SORD: variants seen among roughly 807,000 people sequenced by gnomAD.
SORD encodes sorbitol dehydrogenase, also known as (R,R)-butanediol dehydrogenase.
Under a neutral mutation model 35.6 loss-of-function variants are expected in SORD, and 18 were observed. That is an observed-to-expected ratio of 0.51 (90% CI 0.35 to 0.75). SORD has a LOEUF of 0.75. Among genes scored for constraint, SORD ranks in the 30% least tolerant of loss-of-function variants. The pLI is 0.01. For missense variants in SORD, 250 were observed against 390.2 expected, an observed-to-expected ratio of 0.64 and a Z score of 3.03; for synonymous variants, 106 against 152.9, an observed-to-expected ratio of 0.69 and a Z score of 2.26.
chr15:45,068,138 G>A (rs1893436851), intron 5 of SORD, 43 bp from the exon 6 acceptor site: 2 of 1,491,496 alleles, frequency 1.3e-6, no homozygotes, highest in East Asian at 2.3e-5. Context: ...GAGAGCAGAT[G>A]TTTAATATTT....
At chr15:45,066,680 C>T (rs143397143) in intron 5 of SORD, among the ~76,000 whole-genome samples, 27 of 152,348 alleles carry the variant, frequency 1.8e-4, no homozygotes, top group Admixed American at 1.4e-3. Flanking sequence ...ACAGTACGCT[C>T]ACGCTCCTTG....
chr15:45,024,801 A>C (rs1484379195), intron 1 of SORD, among the ~76,000 whole-genome samples: 6 of 152,122 alleles, frequency 3.9e-5, no homozygotes, highest in Admixed American at 6.5e-5. Context: ...CCCTGCTCCC[A>C]AGTTTACTGA....
chr15:45,040,182 G>A (rs1362360347), intron 1 of SORD, among the ~76,000 whole-genome samples: 11 of 151,710 alleles, frequency 7.3e-5, no homozygotes, highest in African/African-American at 1.7e-4. Context: ...TGTTGGGTCC[G>A]TCACTGTGTT....
At chr15:45,041,939 C>G (rs74011342) in intron 2 of SORD, 4 of 152,044 alleles carry the variant, frequency 2.6e-5, no homozygotes. Context: ...AACTCAAATG[C>G]CTTTTCCCTG....
At chr15:45,045,964 G>A (rs1201148502) in intron 3 of SORD, among the ~76,000 whole-genome samples, 1 of 151,980 alleles carries the variant, frequency 6.6e-6, no homozygotes, top group African/African-American at 2.4e-5. Flanking sequence ...TTGCACCACT[G>A]CACTCCAGCT....
At chr15:45,027,386 C>A (rs987639995) in intron 1 of SORD, among the ~76,000 whole-genome samples, 1 of 152,226 alleles carries the variant, frequency 6.6e-6, no homozygotes, top group African/African-American at 2.4e-5. Context: ...TCAACTTCCC[C>A]GTGAAATGGG....
intron 2 of SORD, among the ~76,000 whole-genome samples, chr15:45,040,777 A>G (rs1018639627): frequency 5.3e-5 from 8 of 152,194 alleles, no homozygotes; most frequent in Non-Finnish European, 8.8e-5. Flanking sequence ...AGTGTACCCT[A>G]TCTACCAGAA....
intron 1 of SORD, among the ~76,000 whole-genome samples, chr15:45,025,624 C>CAA (rs34029087): frequency 2.3e-3 from 158 of 68,206 alleles, no homozygotes; most frequent in East Asian, 4.0e-3. Flanking sequence ...AAAACTATGT[C>CAA]AAAAAAAAAA....
At chr15:45,061,247 T>A (rs1331485852) in intron 4 of SORD, 21 bp downstream of exon 4, 15 of 1,612,336 alleles carry the variant, frequency 9.3e-6, no homozygotes, top group Non-Finnish European at 1.2e-5. Context: ...ACAGTCCCAC[T>A]GGGTCACCTG....
intron 7 of SORD, chr15:45,070,894 G>A (rs1271211698): frequency 6.6e-6 from 1 of 152,264 alleles, no homozygotes; most frequent in African/African-American, 2.4e-5. Flanking sequence ...CTGGTTGCCA[G>A]GCTACCTGAG....
chr15:45,066,477 A>G (rs1225409121), intron 5 of SORD, among the ~76,000 whole-genome samples: 2 of 152,114 alleles, frequency 1.3e-5, no homozygotes, highest in African/African-American at 2.4e-5. Flanking sequence ...GTGATGGCCT[A>G]GTCCCATCTA....
chr15:45,069,678 A>G (rs999509488), intron 7 of SORD, among the ~76,000 whole-genome samples: 1 of 152,212 alleles, frequency 6.6e-6, no homozygotes, highest in African/African-American at 2.4e-5. Context: ...GTTTTGGTAA[A>G]AAGACCAAGA....
At chr15:45,067,294 G>A (rs2470661) in intron 5 of SORD, among the ~76,000 whole-genome samples, 106,428 of 152,014 alleles carry the variant, frequency 0.7, 42,913 homozygotes, top group South Asian at 0.9. Context: ...CCCGGGAGGC[G>A]GAGGTTGCAG....
intron 5 of SORD, among the ~76,000 whole-genome samples, chr15:45,067,160 G>A (rs1159721223): frequency 2.0e-5 from 3 of 152,160 alleles, no homozygotes; most frequent in Non-Finnish European, 2.9e-5. Context: ...TCAGGAGTTT[G>A]AGACCAGCCT....
chr15:45,045,125 C>T (rs1202833811), intron 3 of SORD, among the ~76,000 whole-genome samples: 3 of 152,142 alleles, frequency 2.0e-5, no homozygotes, highest in Admixed American at 1.3e-4. Context: ...GGATACCCAC[C>T]CTGGTCTTTT....
Position 45,053,543 on chromosome 15 carries a change from C to T in SORD, c.266-7524C>T, listed in dbSNP as rs138225817. Among the ~76,000 whole-genome samples, 103 of 152,284 alleles carry T rather than the reference C, an allele frequency of 6.8e-4. 3 individuals are homozygous for T. The East Asian group carries it at 0.016, about 24-fold the overall frequency. ...TCATTCTAAAATTTACACAGTAGAC[C>T]ATTTGTCATCCATGCTGTCCCACAA... On this transcript the variant is annotated intron_variant, in intron 3 of 8. Coordinates refer to ENST00000267814, the MANE Select transcript of SORD (RefSeq NM_003104.6).
In SORD at chr15:45,073,816, A is replaced by AG. The variant is rs2141130035; in HGVS notation, c.*287dup. 1 of 133,262 alleles carries AG rather than the reference A, an allele frequency of 7.5e-6. No individual in the cohort carries two copies. Among genetic ancestry groups the AG allele is most frequent in the South Asian group, 2.5e-4 (1 of 4,062 alleles). 8.3% of individuals were successfully genotyped at this position (133,262 alleles called of 1,614,324 possible). On this transcript the variant is annotated 3_prime_UTR_variant, in exon 9 of 9. Transcript: ENST00000267814. Reference sequence around the variant, plus strand: ...TGCCAGGAACTCCCCTTCTTCCTGGAGTGCCTTCATTGAGGAAGGAAATCT... The same window carrying AG: ...TGCCAGGAACTCCCCTTCTTCCTGGAGGTGCCTTCATTGAGGAAGGAAATCT...
At chr15:45,054,822 A>T (rs964344771) in intron 3 of SORD, among the ~76,000 whole-genome samples, 2 of 150,402 alleles carry the variant, frequency 1.3e-5, no homozygotes, top group Non-Finnish European at 3.0e-5. Context: ...TGATTTTTGT[A>T]TAAGGTGTAA....
intron 4 of SORD, among the ~76,000 whole-genome samples, chr15:45,063,845 G>C (rs552221588): frequency 6.6e-6 from 1 of 151,660 alleles, no homozygotes; most frequent in Non-Finnish European, 1.5e-5. Context: ...ATACTTCTAG[G>C]GGGAGTAGAA....
Sources: allele counts gnomAD v4.1 joint callset (sites outside exome capture counted in the v4.1 genomes callset), GRCh38; gene constraint gnomAD v4.1.1; transcripts MANE v1.5; gene names NCBI Gene and HGNC (gene_info 2026-07-23, HGNC 2026-07-21).